The following ABLIM2 variants were observed in gnomAD, a reference collection of about 807,000 sequenced individuals.
The protein encoded by ABLIM2 is actin binding LIM protein family member 2, also known as actin-binding LIM protein 2.
In ABLIM2, 53 loss-of-function variants were observed where a neutral mutation model predicts 97.7. The ratio of observed to expected loss-of-function variants is 0.54; its 90% CI spans 0.44 to 0.68. The LOEUF (loss-of-function observed/expected upper bound fraction) is 0.68, where lower values mean the gene tolerates loss of function less well. ABLIM2 is among the 30% of genes least tolerant of loss of function. The pLI is 0.00. For missense variants in ABLIM2, 835 were observed against 867.2 expected (o/e 0.96, Z 0.47); for synonymous variants, 361 against 345.8 (o/e 1.04, Z -0.49).
intron 1 of ABLIM2, among the ~76,000 whole-genome samples, chr4:8,118,899 T>C (rs1448388945): frequency 6.6e-6 from 1 of 152,224 alleles, no homozygotes. Context: ...CGCCCTTCTT[T>C]GCACCCTAAC....
rs375672677 is a variant in ABLIM2 at position 8,003,753 on chromosome 4, C to T, written c.1618+4306G>A. ...GCTGATTTTTTGTGTTTAGTAGAGA[C>T]GGGGTTTCACCATGTTGGTCAGGCT... On this transcript the variant is annotated intron_variant, in intron 16 of 20. Transcript: ENST00000447017. This position sits in a 1 kb window ranked among gnomAD's most constrained non-coding sequence, Gnocchi z 4.2. Among the ~76,000 whole-genome samples the T allele has an allele frequency of 2.3e-3, 347 of 152,056 alleles. 1 individual carries two copies. Among genetic ancestry groups the T allele is most frequent in the African/African-American group, 7.9e-3 (326 of 41,484 alleles).
At chr4:8,109,105 T>C (rs935601378) in intron 1 of ABLIM2, among the ~76,000 whole-genome samples, 1 of 152,226 alleles carries the variant, frequency 6.6e-6, no homozygotes, top group African/African-American at 2.4e-5. Context: ...GCCGCGGCAC[T>C]GGCCCCCCAC....
intron 1 of ABLIM2, among the ~76,000 whole-genome samples, chr4:8,110,633 G>A (rs1216777226): frequency 6.8e-6 from 1 of 146,952 alleles, no homozygotes; most frequent in African/African-American, 2.5e-5. Context: ...CCAGGTGACT[G>A]GAAATATACT....
In ABLIM2 at chr4:8,023,565, C is replaced by T. The variant is rs1775376455; in HGVS notation, c.1268-3262G>A. Among the ~76,000 whole-genome samples the T allele has an allele frequency of 6.6e-6, 1 of 152,186 alleles. No homozygotes were observed. Among genetic ancestry groups the T allele is most frequent in the Non-Finnish European group, 1.5e-5 (1 of 68,036 alleles). ...TTGCTGACCGGGTCATGCTCGTCAG[C>T]CATGGTGGCCTGCTCCACGGTGGAC... On this transcript the variant is annotated intron_variant, in intron 12 of 20. Coordinates refer to ENST00000447017, the MANE Select transcript of ABLIM2 (RefSeq NM_001130083.2). This position sits in a 1 kb window ranked among gnomAD's most constrained non-coding sequence, Gnocchi z 5.7.
At position 7,998,549 on chromosome 4, in the gene ABLIM2, G is replaced by A; in HGVS notation, c.1619-5622C>T. The A allele has an allele frequency of 4.4e-6, 2 of 455,116 alleles. No homozygotes were observed. The highest frequency in any genetic ancestry group is 1.5e-5 in the South Asian group (1 of 64,680). The allele number at this position is 455,116 out of a possible 1,614,324, so 28.2% of individuals were successfully genotyped here. A position where few individuals can be genotyped will look rare whatever the true frequency, so the allele number is the denominator to read the frequency against. On this transcript the variant is annotated intron_variant, in intron 16 of 20. Transcript: ENST00000447017. This position sits in a 1 kb window ranked among gnomAD's most constrained non-coding sequence, Gnocchi z 6.4. Reference sequence around the variant, plus strand: ...CGCTGGGTGGGGGTGGGAGATGCCTGCCACGGGTGGAGACCATGCCCCTGG... The same window carrying A: ...CGCTGGGTGGGGGTGGGAGATGCCTACCACGGGTGGAGACCATGCCCCTGG...
intron 20 of ABLIM2, among the ~76,000 whole-genome samples, chr4:7,974,323 C>T (rs1730841120): frequency 6.6e-6 from 1 of 150,836 alleles, no homozygotes; most frequent in Admixed American, 6.6e-5. Flanking sequence ...ATCCATCCAC[C>T]CACCAATCCA....
Position 7,970,335 on chromosome 4 carries a change from G to A in ABLIM2, c.1825-3232C>T, listed in dbSNP as rs1383325034. On this transcript the variant is annotated intron_variant, in intron 20 of 20. Transcript: ENST00000447017. The surrounding 1 kb of genome is among the most constrained non-coding windows in gnomAD (Gnocchi z 5.3). The stretch of plus-strand genomic sequence containing the variant: ...GAGGCTAAGGGAGGGGCGCAAAGGT[G>A]CTGGTGGGCAGAGGGAAGGTGTCAA... 6.6e-6 allele frequency among the ~76,000 whole-genome samples: 1 copy of A among 152,054 alleles called. No individual in the cohort carries two copies. The highest frequency in any genetic ancestry group is 2.4e-5 in the African/African-American group (1 of 41,432).
At chr4:8,074,115 AAAAGAC>A (rs1215877713) in intron 6 of ABLIM2, among the ~76,000 whole-genome samples, 1 of 141,578 alleles carries the variant, frequency 7.1e-6, no homozygotes, top group African/African-American at 2.6e-5. Flanking sequence ...AAAAAAAAAA[AAAAGAC>A]AAGACTCAGC....
intron 16 of ABLIM2, chr4:7,993,815 C>G: frequency 2.3e-6 from 1 of 443,554 alleles, no homozygotes; most frequent in South Asian, 1.6e-5. Flanking sequence ...GGGCAAGGCT[C>G]GCTGGGGCTG....
At chr4:8,012,285 T>G (rs1221259358) in intron 14 of ABLIM2, among the ~76,000 whole-genome samples, 3 of 145,450 alleles carry the variant, frequency 2.1e-5, no homozygotes, top group African/African-American at 7.7e-5. Flanking sequence ...CCCATCCATC[T>G]AACCATCCAT....
chr4:8,031,559 G>T (rs1321226375), intron 10 of ABLIM2, among the ~76,000 whole-genome samples: 3 of 152,156 alleles, frequency 2.0e-5, no homozygotes, highest in Non-Finnish European at 2.9e-5. Flanking sequence ...CCCAGTGGGT[G>T]AGCATAGGCT....
chr4:8,090,928 G>C (rs1302587090), intron 3 of ABLIM2, among the ~76,000 whole-genome samples: 3 of 152,066 alleles, frequency 2.0e-5, no homozygotes, highest in African/African-American at 7.2e-5. Context: ...TACAAATAAA[G>C]CTGTTAAGCA....
chr4:8,125,966 G>T lies in ABLIM2; in HGVS notation c.11-19329C>A, dbSNP rs1403081425. On this transcript the variant is annotated intron_variant, in intron 1 of 20. Transcript: ENST00000447017. The surrounding 1 kb of genome is among the most constrained non-coding windows in gnomAD (Gnocchi z 6.2). Reference sequence around the variant, plus strand: ...TTTTGGTTCACAACACCCTGGGAGGGGGAAGCCACACAGCCAACCCGCTTT... The same window carrying T: ...TTTTGGTTCACAACACCCTGGGAGGTGGAAGCCACACAGCCAACCCGCTTT... Among the ~76,000 whole-genome samples, 6 of 152,156 alleles carry T rather than the reference G, an allele frequency of 3.9e-5. No homozygotes were observed. In the East Asian group the frequency reaches 1.2e-3, roughly 29 times the overall value.
intron 9 of ABLIM2, among the ~76,000 whole-genome samples, chr4:8,037,340 G>GCACACA (rs10670906): frequency 1.6e-4 from 23 of 140,972 alleles, no homozygotes; most frequent in African/African-American, 5.8e-4. Flanking sequence ...ACACATGCAG[G>GCACACA]CACACACACA....
chr4:8,129,653 A>G (rs928004158), intron 1 of ABLIM2, among the ~76,000 whole-genome samples: 1 of 152,164 alleles, frequency 6.6e-6, no homozygotes, highest in African/African-American at 2.4e-5. Flanking sequence ...TTGCAAGACA[A>G]GTATATGCAC....
At chr4:8,062,532 C>T (rs539637759) in intron 6 of ABLIM2, among the ~76,000 whole-genome samples, 8 of 152,202 alleles carry the variant, frequency 5.3e-5, no homozygotes, top group African/African-American at 1.7e-4. Flanking sequence ...CTCTGCCCCC[C>T]AGGTTCACAC....
At chr4:8,102,015 C>T (rs79668511) in intron 2 of ABLIM2, among the ~76,000 whole-genome samples, 4,244 of 152,268 alleles carry the variant, frequency 0.028, 185 homozygotes, top group East Asian at 0.15. Flanking sequence ...AGCCTCCTCC[C>T]GACTCCCACC....
At position 8,155,123 on chromosome 4, in the gene ABLIM2, C is replaced by G. The variant is rs75259151; in HGVS notation, c.10+3557G>C. 6.6e-6 allele frequency among the ~76,000 whole-genome samples: 1 copy of G among 152,164 alleles called. No individual in the cohort carries two copies. Among genetic ancestry groups the G allele is most frequent in the Non-Finnish European group, 1.5e-5 (1 of 68,036 alleles). On this transcript the variant is annotated intron_variant, in intron 1 of 20. Transcript: ENST00000447017. The surrounding 1 kb of genome is among the most constrained non-coding windows in gnomAD (Gnocchi z 4.2). Reference sequence around the variant, plus strand: ...GATGTGGGTGGGGACACAGCCAGACCGTATCAGCTCATAGTAGGCATTTTG... The same window carrying G: ...GATGTGGGTGGGGACACAGCCAGACGGTATCAGCTCATAGTAGGCATTTTG...
At chr4:8,020,347 G>A (rs1466330923) in intron 12 of ABLIM2, 44 bp from the exon 13 acceptor site, 1 of 1,517,368 alleles carries the variant, frequency 6.6e-7, no homozygotes, top group East Asian at 2.3e-5. Flanking sequence ...GGGGAAACGG[G>A]AAAGCAAAGT....
Sources: gnomAD v4.1 joint callset for allele counts (sites outside exome capture counted in the v4.1 genomes callset) on GRCh38, gnomAD v4.1.1 for gene constraint, Gnocchi (gnomAD v3.1) non-coding constraint, MANE v1.5 for transcripts, NCBI Gene and HGNC (gene_info 2026-07-23, HGNC 2026-07-21) for gene names.